Variants in LRGUK observed in about 807,000 individuals in gnomAD.
LRGUK encodes the protein leucine-rich repeat and guanylate kinase domain-containing protein.
Under a neutral mutation model 76.0 loss-of-function variants are expected in LRGUK, and 65 were observed. That is an observed-to-expected ratio of 0.85 (90% CI 0.70 to 1.05). LRGUK has a LOEUF of 1.05. Ranked by LOEUF, LRGUK falls within the 50% of genes least tolerant of loss-of-function variation. The probability of loss-of-function intolerance (pLI) is 0.00; values close to 1 mark genes in which losing one functional copy is unlikely to be tolerated. For synonymous variants in LRGUK, 268 were observed against 265.6 expected, an observed-to-expected ratio of 1.01 and a Z score of -0.09; for missense variants, 758 against 732.8, an observed-to-expected ratio of 1.03 and a Z score of -0.40.
At chr7:134,180,002 G>T (rs914267030) in intron 10 of LRGUK, among the ~76,000 whole-genome samples, 2 of 152,156 alleles carry the variant, frequency 1.3e-5, no homozygotes, top group African/African-American at 4.8e-5. Context: ...TATAATTGGG[G>T]TGAGGATACA....
intron 4 of LRGUK, among the ~76,000 whole-genome samples, chr7:134,144,622 A>G (rs981566392): frequency 6.6e-6 from 1 of 152,236 alleles, no homozygotes; most frequent in African/African-American, 2.4e-5. Context: ...TACAAACCAA[A>G]TTAACTTAAA....
chr7:134,213,261 AG>A (rs1801343773), downstream of LRGUK, among the ~76,000 whole-genome samples: 1 of 152,096 alleles, frequency 6.6e-6, no homozygotes, highest in South Asian at 2.1e-4. Context: ...ATCTGTCTGG[AG>A]GGGATATAGA....
At chr7:134,170,980 G>T (rs753023461) in intron 7 of LRGUK, among the ~76,000 whole-genome samples, 3 of 151,648 alleles carry the variant, frequency 2.0e-5, no homozygotes, top group Non-Finnish European at 4.4e-5. Flanking sequence ...AATATTTGTG[G>T]TTCATCTTTT....
chr7:134,207,485 A>T (rs2117113453), intron 15 of LRGUK, among the ~76,000 whole-genome samples: 1 of 152,190 alleles, frequency 6.6e-6, no homozygotes, highest in African/African-American at 2.4e-5. Context: ...TGAACAGGAC[A>T]CCCCCTCAGA....
chr7:134,258,458 G>A (rs1168675273), intron 19 of LRGUK, 53 bp downstream of exon 19: 13 of 1,538,130 alleles, frequency 8.5e-6, no homozygotes, highest in African/African-American at 2.8e-5. Context: ...AGCACTTTGG[G>A]AGGCCGAGGC....
chr7:134,223,974 G>C (rs1801667518), intron 16 of LRGUK, among the ~76,000 whole-genome samples: 1 of 152,064 alleles, frequency 6.6e-6, no homozygotes. Flanking sequence ...TATACCTGGG[G>C]TAATGGGTAG....
At chr7:134,229,375 AATCTATCTATCTATCT>A (rs3030442) in intron 16 of LRGUK, among the ~76,000 whole-genome samples, 11 of 147,564 alleles carry the variant, frequency 7.5e-5, no homozygotes, top group East Asian at 4.0e-4. Flanking sequence ...AAAAAAAAAA[AATCTATCTATCTATCT>A]ATCTATCTAT....
At chr7:134,248,488 A>G (rs1802366492) in intron 17 of LRGUK, among the ~76,000 whole-genome samples, 1 of 152,228 alleles carries the variant, frequency 6.6e-6, no homozygotes, top group South Asian at 2.1e-4. Flanking sequence ...TACAGCACAT[A>G]TGAATAGATG....
chr7:134,183,612 T>C lies in LRGUK; in HGVS notation c.1215-122T>C, dbSNP rs895716926. Reference sequence around the variant, plus strand: ...TGTTTCTGGAAAGGACAACTATTCTTCTACGCAGGGTCTTATATAGCAAGT... The same window carrying C: ...TGTTTCTGGAAAGGACAACTATTCTCCTACGCAGGGTCTTATATAGCAAGT... On this transcript the variant is annotated intron_variant, in intron 10 of 15. Transcript: ENST00000645682. 3 of 952,944 alleles carry C rather than the reference T, an allele frequency of 3.1e-6. No homozygotes were observed. The African/African-American group carries it at 4.9e-5, about 16-fold the overall frequency. The allele number at this position is 952,944 out of a possible 1,614,324, so 59.0% of individuals were successfully genotyped here. A position where few individuals can be genotyped will look rare whatever the true frequency, so the allele number is the denominator to read the frequency against.
At chr7:134,134,899 G>C (rs903838355) in intron 1 of LRGUK, among the ~76,000 whole-genome samples, 1 of 152,158 alleles carries the variant, frequency 6.6e-6, no homozygotes, top group Non-Finnish European at 1.5e-5. Context: ...TGCACATACT[G>C]TGCTGTGAGT....
intron 15 of LRGUK, among the ~76,000 whole-genome samples, chr7:134,205,467 C>T (rs1306460967): frequency 6.6e-6 from 1 of 152,134 alleles, no homozygotes; most frequent in Non-Finnish European, 1.5e-5. Flanking sequence ...TGAGCTGGGT[C>T]ACTCTGATTT....
rs192485861 is a variant in LRGUK at position 134,144,831 on chromosome 7, A to G, written c.588+1669A>G. ...ACATTCCTTTGTGCAAATAAGCCGCACTAGGTGCCTATCTGTACTCAGTGT... is the reference window on the plus strand; with the variant it reads ...ACATTCCTTTGTGCAAATAAGCCGCGCTAGGTGCCTATCTGTACTCAGTGT... On this transcript the variant is annotated intron_variant, in intron 4 of 15. Transcript: ENST00000645682. Among the ~76,000 whole-genome samples, 7 of 152,272 alleles carry G rather than the reference A, an allele frequency of 4.6e-5. No homozygotes were observed. In the East Asian group the frequency reaches 1.2e-3, roughly 25 times the overall value.
intron 10 of LRGUK, among the ~76,000 whole-genome samples, chr7:134,179,617 G>A (rs1354613752): frequency 6.6e-6 from 1 of 152,120 alleles, no homozygotes; most frequent in African/African-American, 2.4e-5. Context: ...TCTCCTCATT[G>A]TATTTCTATT....
At chr7:134,266,004 C>T (rs1380686212), downstream of LRGUK, among the ~76,000 whole-genome samples, 2 of 152,178 alleles carry the variant, frequency 1.3e-5, no homozygotes, top group African/African-American at 2.4e-5. Flanking sequence ...GGACCCTAAA[C>T]TTCTACCCCA....
At chr7:134,240,090 A>C (rs945174253) in intron 16 of LRGUK, among the ~76,000 whole-genome samples, 1 of 152,254 alleles carries the variant, frequency 6.6e-6, no homozygotes, top group Non-Finnish European at 1.5e-5. Flanking sequence ...AAAACCACAA[A>C]GATGGGGAGA....
chr7:134,232,775 A>G (rs1034765891), intron 16 of LRGUK, among the ~76,000 whole-genome samples: 1 of 152,264 alleles, frequency 6.6e-6, no homozygotes, highest in East Asian at 1.9e-4. Context: ...ATAATTTAAT[A>G]TGAATTTAGA....
intron 16 of LRGUK, among the ~76,000 whole-genome samples, chr7:134,240,076 C>T (rs541767777): frequency 5.3e-5 from 8 of 152,238 alleles, no homozygotes; most frequent in South Asian, 2.1e-4. Context: ...GACCAAAGGT[C>T]GATAAAACCA....
chr7:134,259,863 C>A (rs568004995), intron 19 of LRGUK, among the ~76,000 whole-genome samples: 1 of 152,248 alleles, frequency 6.6e-6, no homozygotes, highest in Non-Finnish European at 1.5e-5. Context: ...AACATAGCAC[C>A]AAGGCTCATC....
At chr7:134,210,383 TA>T (rs918879393), downstream of LRGUK, 12 of 397,184 alleles carry the variant, frequency 3.0e-5, no homozygotes, top group Non-Finnish European at 4.9e-5. Flanking sequence ...ACAAGAAGAT[TA>T]AAAAAAACAT....
Sources: allele counts gnomAD v4.1 joint callset (sites outside exome capture counted in the v4.1 genomes callset), GRCh38; gene constraint gnomAD v4.1.1; transcripts MANE v1.5; gene names NCBI Gene and HGNC (gene_info 2026-07-23, HGNC 2026-07-21).